DOT1L: variants seen among roughly 807,000 people sequenced by gnomAD.
DOT1L encodes the protein histone-lysine N-methyltransferase, H3 lysine-79 specific.
A neutral mutation model predicts 153.3 loss-of-function variants in DOT1L; 33 were observed. The observed-to-expected ratio is 0.22, with a 90% CI of 0.16 to 0.29. The LOEUF is 0.29. Among genes scored for constraint, DOT1L ranks in the 10% least tolerant of loss-of-function variants. The pLI is 1.00. For missense variants in DOT1L, 1,847 were observed against 2,119.9 expected (o/e 0.87, Z 2.53); for synonymous variants, 1,135 against 965.1 (o/e 1.18, Z -3.26).
At chr19:2,164,522 C>T (rs946148436) in intron 1 of DOT1L, 3 of 296,612 alleles carry the variant, frequency 1.0e-5, no homozygotes, top group African/African-American at 2.2e-5. Flanking sequence ...GCCGTTGCCC[C>T]CGCCGGGCTG....
In DOT1L at chr19:2,226,447, G is replaced by C. The variant is rs201546034; in HGVS notation, c.3926G>C (p.Gly1309Ala). ...SLSGADGLSP[G>A]TNPANGCTFG... ...TCGGGGGCTGACGGACTCAGCCCGGGCACCAACCCTGCCAACGGCTGCACC... is the reference window on the plus strand; with the variant it reads ...TCGGGGGCTGACGGACTCAGCCCGGCCACCAACCCTGCCAACGGCTGCACC... The change falls in exon 27 of 28, where the codon GGC (glycine) becomes GCC (alanine). Residue 1309 changes from glycine (G) to alanine (A), a missense_variant. Coordinates refer to ENST00000398665, the MANE Select transcript of DOT1L (RefSeq NM_032482.3). The C allele has an allele frequency of 6.2e-7, 1 of 1,601,754 alleles. No individual in the cohort carries two copies. The highest frequency in any genetic ancestry group is 8.5e-7 in the Non-Finnish European group (1 of 1,179,382).
At chr19:2,201,779 C>T (rs1027204171) in intron 8 of DOT1L, among the ~76,000 whole-genome samples, 1 of 152,260 alleles carries the variant, frequency 6.6e-6, no homozygotes, top group African/African-American at 2.4e-5. Flanking sequence ...CAGGCTCTCA[C>T]AGTTCCTCTC....
intron 1 of DOT1L, among the ~76,000 whole-genome samples, chr19:2,169,427 C>G (rs561411770): frequency 6.6e-6 from 1 of 152,264 alleles, no homozygotes; most frequent in Admixed American, 6.5e-5. Context: ...AAAGAGGTTG[C>G]AGGGGGTACT....
intron 1 of DOT1L, among the ~76,000 whole-genome samples, chr19:2,165,449 C>T (rs939001119): frequency 6.6e-6 from 1 of 152,192 alleles, no homozygotes; most frequent in Non-Finnish European, 1.5e-5. Flanking sequence ...GCGCGCGGGG[C>T]TGGCGGGGTA....
rs1172542159 is a variant in DOT1L at position 2,180,607 on chromosome 19, G to T, written c.82-106G>T. On this transcript the variant is annotated intron_variant, in intron 1 of 27. Transcript: ENST00000398665. ...TGGGCTTGGGAGCTGCACCAGTTGGGAAATGAAGAGATGGGAAGTTGACGG... is the reference window on the plus strand; with the variant it reads ...TGGGCTTGGGAGCTGCACCAGTTGGTAAATGAAGAGATGGGAAGTTGACGG... 9.3e-6 allele frequency: 13 copies of T among 1,391,476 alleles called. No individual in the cohort carries two copies. In the East Asian group the frequency reaches 3.1e-4, roughly 33 times the overall value. 86.2% of individuals were successfully genotyped at this position (1,391,476 alleles called of 1,614,324 possible). A position where few individuals can be genotyped will look rare whatever the true frequency, so the allele number is the denominator to read the frequency against.
Position 2,213,559 on chromosome 19 carries a change from G to C in DOT1L, c.1578G>C (p.Leu526=), listed in dbSNP as rs752931115. The C allele has an allele frequency of 6.2e-7, 1 of 1,613,204 alleles. No homozygotes were observed. Among genetic ancestry groups the C allele is most frequent in the Non-Finnish European group, 8.5e-7 (1 of 1,179,972 alleles). ...TACAGGAGAAGAACGCCCAGCTCCT[G>C]GGTGCGGCTCAGCAGCTCCTCAGCC... is the stretch of plus-strand genomic sequence containing the variant. The part of the protein sequence containing the change: ...GQEKEKNAQL[L]GAAQQLLSHC... The change falls in exon 17 of 28, where the codon CTG becomes CTC. Residue 526 remains leucine (L), a synonymous_variant. Coordinates refer to ENST00000398665, the MANE Select transcript of DOT1L (RefSeq NM_032482.3).
intron 24 of DOT1L, 27 bp from the exon 25 acceptor site, chr19:2,223,254 G>A (rs2024197729): frequency 6.2e-7 from 1 of 1,611,598 alleles, no homozygotes; most frequent in East Asian, 2.2e-5. Flanking sequence ...TGTGGTATGT[G>A]CATCCATTGT....
intron 27 of DOT1L, chr19:2,228,413 T>C (rs1173904518): frequency 4.0e-6 from 5 of 1,250,296 alleles, no homozygotes; most frequent in South Asian, 1.4e-5. Flanking sequence ...GGTGGCTCAC[T>C]CCAGACACTG....
chr19:2,165,396 G>A (rs770198832), intron 1 of DOT1L, among the ~76,000 whole-genome samples: 12 of 152,326 alleles, frequency 7.9e-5, no homozygotes, highest in Non-Finnish European at 1.3e-4. Context: ...CGGTGCGAGT[G>A]GATGGGAGAG....
chr19:2,218,493 AC>A (rs1404897361), intron 22 of DOT1L, among the ~76,000 whole-genome samples: 1 of 151,460 alleles, frequency 6.6e-6, no homozygotes, highest in African/African-American at 2.4e-5. Flanking sequence ...TCCCGGGTTC[AC>A]GCCATTCTCC....
chr19:2,179,809 A>G (rs1253401313), intron 1 of DOT1L, among the ~76,000 whole-genome samples: 3 of 152,172 alleles, frequency 2.0e-5, no homozygotes, highest in Non-Finnish European at 4.4e-5. Flanking sequence ...ACAAACAGAA[A>G]AAAGACATGG....
chr19:2,176,828 G>T (rs2021961129), intron 1 of DOT1L, among the ~76,000 whole-genome samples: 1 of 152,206 alleles, frequency 6.6e-6, no homozygotes, highest in African/African-American at 2.4e-5. Context: ...CACTGGGGAA[G>T]ACGCTATGGA....
intron 3 of DOT1L, among the ~76,000 whole-genome samples, chr19:2,187,815 A>ACTCG (rs1430946899): frequency 6.6e-5 from 10 of 151,470 alleles, no homozygotes; most frequent in Non-Finnish European, 1.0e-4. Flanking sequence ...CCAGTTAGTC[A>ACTCG]GGAGGCTGAG....
chr19:2,223,248 G>T, intron 24 of DOT1L, 33 bp from the exon 25 acceptor site: 2 of 1,610,454 alleles, frequency 1.2e-6, no homozygotes, highest in Non-Finnish European at 1.7e-6. Context: ...CGGGTCTGTG[G>T]TATGTGCATC....
At chr19:2,183,790 C>G (rs895795715) in intron 2 of DOT1L, among the ~76,000 whole-genome samples, 1 of 152,000 alleles carries the variant, frequency 6.6e-6, no homozygotes, top group Non-Finnish European at 1.5e-5. Flanking sequence ...CCATGCCCAG[C>G]AAATTTTTGT....
At chr19:2,180,090 A>AG (rs1225931853) in intron 1 of DOT1L, among the ~76,000 whole-genome samples, 1 of 152,090 alleles carries the variant, frequency 6.6e-6, no homozygotes, top group Non-Finnish European at 1.5e-5. Flanking sequence ...GATCTGTGTT[A>AG]GGCCAAGGAC....
chr19:2,228,307 C>G (rs1599631355), intron 27 of DOT1L: 2 of 1,347,594 alleles, frequency 1.5e-6, no homozygotes, highest in Non-Finnish European at 2.0e-6. Flanking sequence ...GGCATGCCGC[C>G]TCCCTATGCC....
rs761132359 is a variant in DOT1L at position 2,207,593 on chromosome 19, C to T, written c.876C>T (p.Arg292=). 33 of 1,611,432 alleles carry T rather than the reference C, an allele frequency of 2.0e-5. No individual in the cohort carries two copies. Among genetic ancestry groups the T allele is most frequent in the Admixed American group, 1.8e-4 (11 of 59,910 alleles). Residue 292 remains arginine, a synonymous_variant, in exon 11 of 28, where the codon CGC becomes CGT. Transcript: ENST00000398665. This position sits in a 1 kb window ranked among gnomAD's most constrained non-coding sequence, Gnocchi z 4.5. The stretch of plus-strand genomic sequence containing the variant: ...CTGCAGACATCGGCACCATCATGCG[C>T]GTGGTGGAGCTCTCGCCCCTGAAGG... ...RNLSDIGTIM[R]VVELSPLKGS...
intron 8 of DOT1L, among the ~76,000 whole-genome samples, chr19:2,201,675 G>C (rs996741160): frequency 6.6e-6 from 1 of 152,222 alleles, no homozygotes; most frequent in Non-Finnish European, 1.5e-5. Context: ...GAGCGCAGGG[G>C]GACCCGCAGT....
Sources: allele counts gnomAD v4.1 joint callset (sites outside exome capture counted in the v4.1 genomes callset), GRCh38; gene constraint gnomAD v4.1.1; non-coding constraint Gnocchi (gnomAD v3.1); transcripts MANE v1.5; gene names NCBI Gene and HGNC (gene_info 2026-07-23, HGNC 2026-07-21).